The following NRXN1 variants were observed in gnomAD, a reference collection of about 807,000 sequenced individuals.
The protein encoded by NRXN1 is neurexin-1.
In NRXN1, 39 loss-of-function variants were observed where a neutral mutation model predicts 150.9. The ratio of observed to expected loss-of-function variants is 0.26; its 90% CI spans 0.20 to 0.34. The LOEUF is 0.34. NRXN1 is among the 10% of genes least tolerant of loss of function. The pLI is 1.00. For synonymous variants in NRXN1, 924 were observed against 757.0 expected, an observed-to-expected ratio of 1.22 and a Z score of -3.62; for missense variants, 1,815 against 1,949.9, an observed-to-expected ratio of 0.93 and a Z score of 1.30.
At chr2:50,663,489 A>G (rs1687598044) in intron 5 of NRXN1, among the ~76,000 whole-genome samples, 1 of 152,000 alleles carries the variant, frequency 6.6e-6, no homozygotes, top group South Asian at 2.1e-4. Context: ...TGGAACCTTT[A>G]AATTGGAGAC....
chr2:50,915,772 T>A (rs1685133052), intron 5 of NRXN1, among the ~76,000 whole-genome samples: 1 of 151,310 alleles, frequency 6.6e-6, no homozygotes, highest in Non-Finnish European at 1.5e-5. Context: ...GCACACGGTA[T>A]CTTTTCCTTA....
chr2:50,614,093 G>C (rs1171239185), intron 8 of NRXN1, among the ~76,000 whole-genome samples: 2 of 152,058 alleles, frequency 1.3e-5, no homozygotes, highest in Non-Finnish European at 2.9e-5. Flanking sequence ...CATATGGGAA[G>C]GTCAATGTAA....
At chr2:50,694,020 C>T (rs972410505) in intron 5 of NRXN1, among the ~76,000 whole-genome samples, 15 of 151,872 alleles carry the variant, frequency 9.9e-5, no homozygotes, top group Middle Eastern at 3.2e-3. Flanking sequence ...CTCAAACTCC[C>T]GGCCTCAAGG....
intron 17 of NRXN1, among the ~76,000 whole-genome samples, chr2:50,277,280 A>G (rs2070623124): frequency 6.6e-6 from 1 of 152,096 alleles, no homozygotes; most frequent in South Asian, 2.1e-4. Context: ...AAATAAATAA[A>G]TGTTAAAAAA....
At chr2:50,401,736 G>T (rs1225093802) in intron 17 of NRXN1, among the ~76,000 whole-genome samples, 1 of 152,044 alleles carries the variant, frequency 6.6e-6, no homozygotes, top group East Asian at 1.9e-4. Flanking sequence ...GCCTATGGTT[G>T]GAATTTTATT....
At chr2:50,305,752 T>C (rs1289615302) in intron 17 of NRXN1, among the ~76,000 whole-genome samples, 3 of 152,224 alleles carry the variant, frequency 2.0e-5, no homozygotes, top group South Asian at 2.1e-4. Context: ...AAATTCAAAT[T>C]GCTTTTCTGT....
intron 3 of NRXN1, among the ~76,000 whole-genome samples, chr2:50,925,228 A>C (rs555674726): frequency 2.0e-5 from 3 of 152,004 alleles, no homozygotes; most frequent in Admixed American, 6.6e-5. Context: ...GTTCTTAAAA[A>C]ATGAGAATAA....
intron 5 of NRXN1, among the ~76,000 whole-genome samples, chr2:50,824,333 A>C (rs1335385918): frequency 6.6e-6 from 1 of 151,878 alleles, no homozygotes; most frequent in Non-Finnish European, 1.5e-5. Context: ...TGTGAAAAAT[A>C]GATACACAAA....
chr2:50,999,026 C>A (rs72828341), intron 2 of NRXN1, among the ~76,000 whole-genome samples: 1,620 of 152,066 alleles, frequency 0.011, 27 homozygotes, highest in South Asian at 0.09. Flanking sequence ...TACTTCGTAT[C>A]TTGTTAAAGA....
At chr2:50,367,978 G>A (rs532086517) in intron 17 of NRXN1, among the ~76,000 whole-genome samples, 2 of 152,066 alleles carry the variant, frequency 1.3e-5, no homozygotes, top group South Asian at 2.1e-4. Flanking sequence ...GCACCACACC[G>A]TGATTAAATG....
intron 17 of NRXN1, among the ~76,000 whole-genome samples, chr2:50,329,611 GTGTGTGTATATATATATATATATATA>G (rs2076639679): frequency 4.4e-5 from 1 of 22,504 alleles, no homozygotes; most frequent in African/African-American, 2.0e-4. Flanking sequence ...GTGTGTGTGT[GTGTGTGTATATATATATATATATATA>G]TATATATATA....
chr2:50,177,315 A>G (rs2060413851), intron 18 of NRXN1, among the ~76,000 whole-genome samples: 1 of 152,056 alleles, frequency 6.6e-6, no homozygotes. Context: ...GATAACTTAA[A>G]AGGTTTCATG....
intron 18 of NRXN1, among the ~76,000 whole-genome samples, chr2:50,193,726 A>G (rs2061582883): frequency 6.6e-6 from 1 of 152,162 alleles, no homozygotes. Context: ...TTAATAAGAT[A>G]CTCATAGAAA....
At chr2:50,002,072 G>A (rs137934023) in intron 21 of NRXN1, among the ~76,000 whole-genome samples, 14 of 151,950 alleles carry the variant, frequency 9.2e-5, no homozygotes, top group African/African-American at 3.1e-4. Flanking sequence ...CTTGCAAGAG[G>A]GCCCTGAGCT....
intron 2 of NRXN1, among the ~76,000 whole-genome samples, chr2:50,994,536 T>A (rs770196623): frequency 1.3e-5 from 2 of 151,988 alleles, no homozygotes; most frequent in African/African-American, 4.8e-5. Flanking sequence ...TAGGTTTATA[T>A]CTAGTCTAAA....
In NRXN1 at chr2:50,034,823, T is replaced by C. The variant is rs894517135; in HGVS notation, c.4128+18448A>G. Among the ~76,000 whole-genome samples the C allele has an allele frequency of 7.2e-5, 11 of 152,240 alleles. No individual in the cohort carries two copies. In the South Asian group the frequency reaches 1.9e-3, roughly 26 times the overall value. ...TTCCTTTCTAAAAATGTATTTTCTA[T>C]GTTGACTTACCTGAATACTGTTATT... is the stretch of plus-strand genomic sequence containing the variant. On this transcript the variant is annotated intron_variant, in intron 21 of 22. Coordinates refer to ENST00000401669, the MANE Select transcript of NRXN1 (RefSeq NM_001330078.2).
Position 50,251,349 on chromosome 2 carries a change from G to C in NRXN1, c.3365-14379C>G, listed in dbSNP as rs12713092. Among the ~76,000 whole-genome samples the C allele has an allele frequency of 1.3e-4, 20 of 151,868 alleles. No homozygotes were observed. The South Asian group carries it at 4.2e-3, about 32-fold the overall frequency. Reference sequence around the variant, plus strand: ...TTCCAGCTCCATCCATGTCTCTGCAGAAGACACGATCTCAGTCCTTTTTAT... The same window carrying C: ...TTCCAGCTCCATCCATGTCTCTGCACAAGACACGATCTCAGTCCTTTTTAT... On this transcript the variant is annotated intron_variant, in intron 17 of 22. Transcript: ENST00000401669.
At chr2:50,516,208 G>C (rs537997386) in intron 12 of NRXN1, among the ~76,000 whole-genome samples, 254 of 152,234 alleles carry the variant, frequency 1.7e-3, no homozygotes, top group African/African-American at 5.8e-3. Context: ...CACATAATTT[G>C]AGAGTCCATT....
At chr2:50,688,898 T>A (rs1691648853) in intron 5 of NRXN1, among the ~76,000 whole-genome samples, 1 of 152,218 alleles carries the variant, frequency 6.6e-6, no homozygotes, top group Non-Finnish European at 1.5e-5. Flanking sequence ...AGGTGTTGTC[T>A]TTCAGGTTTT....
Sources: allele counts gnomAD v4.1 joint callset (sites outside exome capture counted in the v4.1 genomes callset), GRCh38; gene constraint gnomAD v4.1.1; transcripts MANE v1.5; gene names NCBI Gene and HGNC (gene_info 2026-07-23, HGNC 2026-07-21).